ITGAM: variants seen among roughly 807,000 people sequenced by gnomAD.
ITGAM encodes the protein integrin alpha-M.
Under a neutral mutation model 137.5 loss-of-function variants are expected in ITGAM, and 79 were observed. The observed-to-expected ratio is 0.57, with a 90% CI of 0.48 to 0.69. The LOEUF is 0.69. Among genes scored for constraint, ITGAM ranks in the 30% least tolerant of loss-of-function variants. ITGAM has a pLI of 0.00. For missense variants in ITGAM, 1,343 were observed against 1,483.5 expected, an observed-to-expected ratio of 0.91 and a Z score of 1.56; for synonymous variants, 583 against 592.3, an observed-to-expected ratio of 0.98 and a Z score of 0.23.
chr16:31,277,838 T>C (rs963853497), intron 11 of ITGAM, 129 bp from the exon 12 acceptor site: 72 of 909,978 alleles, frequency 7.9e-5, no homozygotes, highest in Non-Finnish European at 1.1e-4. Flanking sequence ...AAGAGAAATA[T>C]AGCGTAGGGA....
chr16:31,261,624 C>A, intron 1 of ITGAM, 68 bp from the exon 2 acceptor site: 1 of 996,166 alleles, frequency 1.0e-6, no homozygotes, highest in Non-Finnish European at 1.6e-6. Flanking sequence ...CTCCAAAGTG[C>A]TAGGACTACA....
At chr16:31,262,241 CCCTT>C (rs150381197) in intron 2 of ITGAM, among the ~76,000 whole-genome samples, 1,830 of 151,194 alleles carry the variant, frequency 0.012, 35 homozygotes, top group Non-Finnish European at 0.02. Context: ...CTCCCTTCCT[CCCTT>C]CCTTCCTTCC....
intron 14 of ITGAM, among the ~76,000 whole-genome samples, chr16:31,318,923 A>G (rs2080420001): frequency 6.6e-6 from 1 of 151,680 alleles, no homozygotes; most frequent in African/African-American, 2.4e-5. Flanking sequence ...TTTTGTTTTC[A>G]TTTATCTCAT....
At chr16:31,314,486 A>G (rs753394295) in intron 14 of ITGAM, among the ~76,000 whole-genome samples, 1 of 152,138 alleles carries the variant, frequency 6.6e-6, no homozygotes, top group Non-Finnish European at 1.5e-5. Context: ...TTAAATAGGG[A>G]ATCCTTTCCC....
At chr16:31,290,237 A>G (rs1023725318) in intron 12 of ITGAM, among the ~76,000 whole-genome samples, 2 of 152,198 alleles carry the variant, frequency 1.3e-5, no homozygotes, top group Non-Finnish European at 2.9e-5. Context: ...AGTGGTTTCC[A>G]GGGGCTGGGG....
chr16:31,313,798 C>T (rs960356292), intron 14 of ITGAM, among the ~76,000 whole-genome samples: 4 of 152,164 alleles, frequency 2.6e-5, no homozygotes, highest in East Asian at 3.8e-4. Flanking sequence ...CTTGAGGAAT[C>T]GCCACACTGT....
intron 12 of ITGAM, among the ~76,000 whole-genome samples, chr16:31,292,440 G>C (rs2080095893): frequency 6.6e-6 from 1 of 151,970 alleles, no homozygotes; most frequent in Non-Finnish European, 1.5e-5. Context: ...GTAGACCCCA[G>C]TGTCTGTTGT....
intron 14 of ITGAM, among the ~76,000 whole-genome samples, chr16:31,318,945 A>G (rs2080420075): frequency 6.6e-6 from 1 of 151,438 alleles, no homozygotes; most frequent in Non-Finnish European, 1.5e-5. Context: ...TTATTTTCTA[A>G]TTTATTTTTT....
At chr16:31,302,412 C>CTTCTTTCTTTT (rs2080208007) in intron 14 of ITGAM, among the ~76,000 whole-genome samples, 1 of 105,308 alleles carries the variant, frequency 9.5e-6, no homozygotes, top group Admixed American at 8.6e-5. Context: ...TTTCTTTTTT[C>CTTCTTTCTTTT]TTTCTTTCTT....
Position 31,311,397 on chromosome 16 carries a change from G to C in ITGAM, c.1708-9844G>C, listed in dbSNP as rs535203495. 1.2e-4 allele frequency among the ~76,000 whole-genome samples: 18 copies of C among 151,900 alleles called. No homozygotes were observed. In the East Asian group the frequency reaches 2.5e-3, roughly 21 times the overall value. On this transcript the variant is annotated intron_variant, in intron 14 of 29. Coordinates refer to ENST00000544665, the MANE Select transcript of ITGAM (RefSeq NM_000632.4). ...TGCAACCTACTCATCTGACAAAGGG[G>C]TAATATCCAGAATCTACAATGAACT...
At chr16:31,328,984 ATGTG>A (rs542040663) in intron 23 of ITGAM, 22 of 590,194 alleles carry the variant, frequency 3.7e-5, no homozygotes, top group South Asian at 1.8e-4. Flanking sequence ...GTCTGTGTGC[ATGTG>A]TGTATGTGCT....
At chr16:31,265,239 T>G (rs1321604809) in intron 2 of ITGAM, among the ~76,000 whole-genome samples, 156 bp from the exon 3 acceptor site, 1 of 150,184 alleles carries the variant, frequency 6.7e-6, no homozygotes, top group Admixed American at 6.6e-5. Context: ...TCTTAACATT[T>G]TCCCATTTTT....
chr16:31,264,244 C>T (rs1187228674), intron 2 of ITGAM, among the ~76,000 whole-genome samples: 3 of 151,842 alleles, frequency 2.0e-5, no homozygotes, highest in Non-Finnish European at 4.4e-5. Context: ...GCCAGGAGTT[C>T]GAGACTACCC....
At chr16:31,313,344 A>G (rs1239398444) in intron 14 of ITGAM, among the ~76,000 whole-genome samples, 2 of 150,462 alleles carry the variant, frequency 1.3e-5, no homozygotes, top group Non-Finnish European at 3.0e-5. Flanking sequence ...TAAGCCTCAC[A>G]TGCATTAGGT....
chr16:31,288,013 T>C (rs942043353), intron 12 of ITGAM, among the ~76,000 whole-genome samples: 5 of 152,006 alleles, frequency 3.3e-5, no homozygotes, highest in Admixed American at 6.6e-5. Flanking sequence ...CTGGGAGTTA[T>C]GAGAGCAAAT....
rs1392193053 is a variant in ITGAM at position 31,321,492 on chromosome 16, A to G, written c.1867A>G (p.Ile623Val). 4 of 1,613,918 alleles carry G rather than the reference A, an allele frequency of 2.5e-6. No homozygotes were observed. The highest frequency in any genetic ancestry group is 2.2e-5 in the South Asian group (2 of 91,086). ...RSQPVLRVKA[I>V]MEFNPREVAR... ...CCAGCCAGTACTGAGAGTCAAGGCA[A>G]TCATGGAGTTCAATCCCAGGGAAGT... The change falls in exon 16 of 30, where the codon ATC becomes GTC. Residue 623 changes from isoleucine (I) to valine (V), a missense_variant. Physicochemically the swap from Ile to Val is conservative, Grantham distance 29. Transcript: ENST00000544665.
intron 8 of ITGAM, among the ~76,000 whole-genome samples, chr16:31,274,639 G>A (rs2079886896): frequency 2.8e-5 from 4 of 143,414 alleles, no homozygotes; most frequent in South Asian, 4.2e-4. Context: ...TTTTGAGACT[G>A]AGTCTTGCTC....
In ITGAM at chr16:31,329,662, A is replaced by G. The variant is rs61758334; in HGVS notation, c.2869-136A>G. The G allele has an allele frequency of 3.1e-4, 211 of 685,664 alleles. 4 individuals are homozygous for G. Among genetic ancestry groups the G allele is most frequent in the East Asian group, 2.7e-3 (101 of 36,888 alleles). 42.5% of individuals were successfully genotyped at this position (685,664 alleles called of 1,614,324 possible). On this transcript the variant is annotated intron_variant, in intron 24 of 29. Coordinates refer to ENST00000544665, the MANE Select transcript of ITGAM (RefSeq NM_000632.4). ...CGTGTGGCACTGGAATGCGTATTAC[A>G]TGTACACTCTACTCTCTCAAACAGG...
At chr16:31,302,878 C>T (rs947978636) in intron 14 of ITGAM, among the ~76,000 whole-genome samples, 14 of 150,824 alleles carry the variant, frequency 9.3e-5, no homozygotes, top group Admixed American at 3.3e-4. Context: ...CTCTCTCTTT[C>T]CCTCCCTCTT....
Sources: allele counts gnomAD v4.1 joint callset (sites outside exome capture counted in the v4.1 genomes callset), GRCh38; gene constraint gnomAD v4.1.1; transcripts MANE v1.5; gene names NCBI Gene and HGNC (gene_info 2026-07-23, HGNC 2026-07-21).